The following RNF121 variants were observed in gnomAD, a reference collection of about 807,000 sequenced individuals.
The protein encoded by RNF121 is E3 ubiquitin ligase RNF121.
In RNF121, 21 loss-of-function variants were observed where a neutral mutation model predicts 46.5. The observed-to-expected ratio is 0.45, with a 90% CI of 0.32 to 0.65. The LOEUF is 0.65. Ranked by LOEUF, RNF121 falls within the 30% of genes least tolerant of loss-of-function variation. The pLI is 0.04. For missense variants in RNF121, 346 were observed against 416.0 expected, an observed-to-expected ratio of 0.83 and a Z score of 1.46; for synonymous variants, 139 against 144.7, an observed-to-expected ratio of 0.96 and a Z score of 0.28.
intron 1 of RNF121, 148 bp downstream of exon 1, chr11:71,929,272 T>G: frequency 7.6e-7 from 1 of 1,322,884 alleles, no homozygotes; most frequent in Non-Finnish European, 1.0e-6. Flanking sequence ...GAGAGCGAAG[T>G]CAGAGGCACT....
At chr11:71,992,437 G>A (rs72956164) in intron 6 of RNF121, among the ~76,000 whole-genome samples, 8,639 of 152,162 alleles carry the variant, frequency 0.057, 350 homozygotes, top group Non-Finnish European at 0.083. Context: ...AGACAATTTG[G>A]TGTCTCTTAA....
Position 71,961,889 on chromosome 11 carries a change from A to G in RNF121, c.243+998A>G, listed in dbSNP as rs1032701945. Among the ~76,000 whole-genome samples the G allele has an allele frequency of 2.0e-5, 3 of 152,048 alleles. No individual in the cohort carries two copies. In the East Asian group the frequency reaches 5.8e-4, roughly 29 times the overall value. On this transcript the variant is annotated intron_variant, in intron 3 of 8. Coordinates refer to ENST00000361756, the MANE Select transcript of RNF121 (RefSeq NM_018320.5). ...AGGGGATTCAGTAAACTCATAAATG[A>G]GTGAAAGCCCCCTTGGCATTTCTGT...
intron 3 of RNF121, 60 bp from the exon 4 acceptor site, chr11:71,982,701 C>A: frequency 6.6e-7 from 1 of 1,512,738 alleles, no homozygotes. Context: ...GCATTTGGGA[C>A]TGTGGACAGA....
chr11:71,966,250 C>A (rs2134183860), intron 3 of RNF121, among the ~76,000 whole-genome samples: 1 of 152,278 alleles, frequency 6.6e-6, no homozygotes, highest in African/African-American at 2.4e-5. Flanking sequence ...AATGCCTGAC[C>A]TCAGGTGATC....
chr11:71,979,881 C>G (rs910801524), intron 3 of RNF121, among the ~76,000 whole-genome samples: 1 of 152,130 alleles, frequency 6.6e-6, no homozygotes, highest in African/African-American at 2.4e-5. Context: ...ATTCTCTGGG[C>G]CTACTGTTTT....
At position 71,960,903 on chromosome 11, in the gene RNF121, T is replaced by G; in HGVS notation, c.243+12T>G. On this transcript the variant is annotated intron_variant, in intron 3 of 8. Transcript: ENST00000361756. ...CACGCTCCTACAATGTAAGCCACTT[T>G]GCCTCTTACTTCTTTGTCTGTCAGT... The G allele has an allele frequency of 2.5e-6, 4 of 1,612,466 alleles. No individual in the cohort carries two copies. Among genetic ancestry groups the G allele is most frequent in the Non-Finnish European group, 3.4e-6 (4 of 1,179,044 alleles).
At chr11:71,929,606 A>G (rs977045626) in intron 1 of RNF121, among the ~76,000 whole-genome samples, 3 of 152,170 alleles carry the variant, frequency 2.0e-5, no homozygotes, top group African/African-American at 7.2e-5. Context: ...GAACTGTTTT[A>G]TTTATCGTTC....
chr11:71,971,203 G>A (rs1173386009), intron 3 of RNF121, among the ~76,000 whole-genome samples: 1 of 152,024 alleles, frequency 6.6e-6, no homozygotes, highest in Non-Finnish European at 1.5e-5. Context: ...GGGCAACATG[G>A]TCAAACCCTA....
At chr11:71,942,823 C>CACACAT (rs71052836) in intron 1 of RNF121, among the ~76,000 whole-genome samples, 1 of 150,488 alleles carries the variant, frequency 6.6e-6, no homozygotes, top group African/African-American at 2.5e-5. Flanking sequence ...CACACACACA[C>CACACAT]ATATATATGT....
intron 3 of RNF121, among the ~76,000 whole-genome samples, chr11:71,965,353 G>C (rs1954252082): frequency 6.6e-6 from 1 of 151,428 alleles, no homozygotes; most frequent in African/African-American, 2.4e-5. Flanking sequence ...TGGGCTCAAG[G>C]GATCCTCCCA....
chr11:71,943,604 G>C (rs1953640635), intron 1 of RNF121, among the ~76,000 whole-genome samples: 2 of 152,200 alleles, frequency 1.3e-5, no homozygotes, highest in African/African-American at 4.8e-5. Flanking sequence ...AAAGACATAG[G>C]CCTTGCTCTC....
Position 71,960,865 on chromosome 11 carries a change from A to G in RNF121, c.217A>G (p.Lys73Glu). ...GGCCCAGCTGCTCCTGGTGCAGTGG[A>G]AGCAGAGGCACCCACGCTCCTACAA... is the stretch of plus-strand genomic sequence containing the variant. ...VVAQLLLVQW[K>E]QRHPRSYNMV... The change falls in exon 3 of 9, where the codon AAG becomes GAG. Residue 73 changes from lysine (K) to glutamate (E), a missense_variant. Physicochemically the swap from Lys to Glu is moderately conservative, Grantham distance 56. Transcript: ENST00000361756. 1 of 1,614,042 alleles carries G rather than the reference A, an allele frequency of 6.2e-7. No homozygotes were observed. Among genetic ancestry groups the G allele is most frequent in the Non-Finnish European group, 8.5e-7 (1 of 1,179,988 alleles).
intron 6 of RNF121, among the ~76,000 whole-genome samples, chr11:71,992,466 CT>C (rs143340960): frequency 0.019 from 2,878 of 152,246 alleles, 103 homozygotes; most frequent in African/African-American, 0.066. Context: ...TTAGTGATGT[CT>C]TTGTGACAGA....
chr11:71,980,133 T>C (rs1026389186), intron 3 of RNF121, among the ~76,000 whole-genome samples: 2 of 152,098 alleles, frequency 1.3e-5, no homozygotes, highest in African/African-American at 2.4e-5. Context: ...CCACACTTTT[T>C]ATGTAAGGTC....
At chr11:71,948,555 T>C (rs1438241647) in intron 1 of RNF121, among the ~76,000 whole-genome samples, 1 of 139,776 alleles carries the variant, frequency 7.2e-6, no homozygotes. Flanking sequence ...TCAACTCAGC[T>C]GGCCAGGAGG....
rs116050637 is a variant in RNF121 at position 71,950,836 on chromosome 11, T to C, written c.64-6391T>C. ...TTAATTCTGTGGTAACTAGGGAAAC[T>C]ATAGCAGTTTTGAAGGCCAGAGTAT... On this transcript the variant is annotated intron_variant, in intron 1 of 8. Coordinates refer to ENST00000361756, the MANE Select transcript of RNF121 (RefSeq NM_018320.5). Among the ~76,000 whole-genome samples the C allele has an allele frequency of 1.0e-2, 1,515 of 152,214 alleles. 26 individuals carry two copies. The highest frequency in any genetic ancestry group is 0.035 in the African/African-American group (1,436 of 41,550).
At chr11:71,991,938 C>G (rs1954869664) in intron 6 of RNF121, among the ~76,000 whole-genome samples, 1 of 149,928 alleles carries the variant, frequency 6.7e-6, no homozygotes, top group Non-Finnish European at 1.5e-5. Context: ...GACCCCATCT[C>G]TACAAAAAAA....
chr11:71,993,516 C>T (rs1182781283), intron 6 of RNF121, among the ~76,000 whole-genome samples: 1 of 152,104 alleles, frequency 6.6e-6, no homozygotes, highest in Non-Finnish European at 1.5e-5. Context: ...AGAGTTCATC[C>T]ATGTATAGAA....
At chr11:71,935,027 A>G (rs1422443267) in intron 1 of RNF121, among the ~76,000 whole-genome samples, 1 of 147,312 alleles carries the variant, frequency 6.8e-6, no homozygotes, top group African/African-American at 2.5e-5. Context: ...CTGCAACCTC[A>G]GCCTCCCAGG....
Sources: gnomAD v4.1 joint callset for allele counts (sites outside exome capture counted in the v4.1 genomes callset) on GRCh38, gnomAD v4.1.1 for gene constraint, MANE v1.5 for transcripts, NCBI Gene and HGNC (gene_info 2026-07-23, HGNC 2026-07-21) for gene names.